The following COMMD6 variants were observed in gnomAD, a reference collection of about 807,000 sequenced individuals.
The protein encoded by COMMD6 is COMM domain-containing protein 6.
Under a neutral mutation model 13.4 loss-of-function variants are expected in COMMD6, and 11 were observed. That is an observed-to-expected ratio of 0.82 (90% CI 0.52 to 1.36). COMMD6 has a LOEUF of 1.36. COMMD6 is among the 40% of genes most tolerant of loss of function. COMMD6 has a pLI of 0.00. For missense variants in COMMD6, 124 were observed against 102.4 expected (o/e 1.21, Z -0.91); for synonymous variants, 43 against 36.5 (o/e 1.18, Z -0.64).
At chr13:75,538,393 C>G (rs919686100), upstream of COMMD6, among the ~76,000 whole-genome samples, 3 of 152,234 alleles carry the variant, frequency 2.0e-5, no homozygotes, top group Non-Finnish European at 4.4e-5. Flanking sequence ...TCAAATCCAT[C>G]CTACAGGAAG....
chr13:75,534,122 G>A (rs952993931), intron 2 of COMMD6, among the ~76,000 whole-genome samples: 3 of 152,050 alleles, frequency 2.0e-5, no homozygotes, highest in Non-Finnish European at 4.4e-5. Context: ...TATGAAATAA[G>A]TAAGCAATTT....
In COMMD6 at chr13:75,530,148, G is replaced by A; in HGVS notation, c.173C>T (p.Thr58Ile). Residue 58 changes from threonine (T) to isoleucine (I), a missense_variant, in exon 3 of 4, where the codon ACC becomes ATC. Physicochemically the swap from Thr to Ile is moderately conservative, Grantham distance 89. Transcript: ENST00000682242. ...KVADHSGQVK[T>I]KCFEMTIPQF... Reference sequence around the variant, plus strand: ...TGGAATCGTCATTTCAAAGCACTTGGTCTTTACTTGGCCTGAATGATCTGC... The same window carrying A: ...TGGAATCGTCATTTCAAAGCACTTGATCTTTACTTGGCCTGAATGATCTGC... 6.2e-7 allele frequency: 1 copy of A among 1,613,478 alleles called. No homozygotes were observed. The highest frequency in any genetic ancestry group is 8.5e-7 in the Non-Finnish European group (1 of 1,179,682).
intron 2 of COMMD6, chr13:75,537,287 A>C (rs1188852893): frequency 1.4e-5 from 22 of 1,529,800 alleles, no homozygotes; most frequent in Admixed American, 2.0e-5. Flanking sequence ...AAAATGCTAT[A>C]CTCCATCTTC....
At chr13:75,537,459 G>C in intron 2 of COMMD6, 12 of 1,551,666 alleles carry the variant, frequency 7.7e-6, no homozygotes, top group Non-Finnish European at 9.6e-6. Context: ...GCTAGTGCAG[G>C]GTGGGGAAGA....
chr13:75,535,503 GA>G (rs2030634472), intron 2 of COMMD6, among the ~76,000 whole-genome samples: 3 of 152,256 alleles, frequency 2.0e-5, no homozygotes, highest in Non-Finnish European at 4.4e-5. Context: ...GCAGCAAGAG[GA>G]GGTGAATTTA....
chr13:75,533,855 G>A (rs866570580), intron 2 of COMMD6, among the ~76,000 whole-genome samples: 5 of 152,192 alleles, frequency 3.3e-5, no homozygotes, highest in African/African-American at 1.2e-4. Context: ...ATCTCTATAG[G>A]AATGTTCAGA....
At chr13:75,539,466 C>G (rs960752356), upstream of COMMD6, among the ~76,000 whole-genome samples, 21 of 152,162 alleles carry the variant, frequency 1.4e-4, no homozygotes, top group African/African-American at 5.1e-4. Context: ...TCTGGAACTC[C>G]TGTCCTCACG....
chr13:75,543,059 T>A (rs1169339550), upstream of COMMD6, among the ~76,000 whole-genome samples: 1 of 152,234 alleles, frequency 6.6e-6, no homozygotes, highest in Non-Finnish European at 1.5e-5. Context: ...AAGGCCATTA[T>A]CCTAAGCACA....
chr13:75,535,780 T>C (rs938030869), intron 2 of COMMD6, among the ~76,000 whole-genome samples: 2 of 152,248 alleles, frequency 1.3e-5, no homozygotes, highest in African/African-American at 4.8e-5. Context: ...AGGTGGTGAC[T>C]TCCAAGCTCC....
upstream of COMMD6, among the ~76,000 whole-genome samples, chr13:75,539,787 AAAC>A (rs1035928518): frequency 3.9e-4 from 60 of 152,142 alleles, no homozygotes; most frequent in African/African-American, 1.4e-3. Context: ...AAAAACCAAA[AAAC>A]AAACAAAAAA....
At chr13:75,545,293 G>A (rs574366681) in intron 1 of COMMD6, among the ~76,000 whole-genome samples, 3 of 152,328 alleles carry the variant, frequency 2.0e-5, no homozygotes, top group African/African-American at 7.2e-5. Context: ...ACAGCCCTAG[G>A]GGCAGTTAGG....
chr13:75,530,491 G>T, intron 2 of COMMD6: 1 of 323,886 alleles, frequency 3.1e-6, no homozygotes. Context: ...AGTTTAAAAT[G>T]GAAAAAACAA....
At chr13:75,537,421 C>T (rs1233092054) in intron 2 of COMMD6, 12 of 1,551,232 alleles carry the variant, frequency 7.7e-6, no homozygotes, top group East Asian at 2.4e-5. Flanking sequence ...TAATCAAAGC[C>T]CAACAATCCT....
At chr13:75,547,540 G>A (rs1047152849) in intron 1 of COMMD6, among the ~76,000 whole-genome samples, 3 of 152,194 alleles carry the variant, frequency 2.0e-5, no homozygotes, top group South Asian at 4.1e-4. Context: ...CTTGGGCTCT[G>A]TCTCAGACTT....
At chr13:75,542,914 C>T (rs2030848961), upstream of COMMD6, among the ~76,000 whole-genome samples, 1 of 152,142 alleles carries the variant, frequency 6.6e-6, no homozygotes, top group Admixed American at 6.5e-5. Flanking sequence ...GGCACATTAG[C>T]AAAGACATGG....
intron 1 of COMMD6, among the ~76,000 whole-genome samples, chr13:75,545,629 G>T (rs1697264696): frequency 6.6e-6 from 1 of 151,764 alleles, no homozygotes; most frequent in South Asian, 2.1e-4. Context: ...CCGCCACCAC[G>T]CCTGGTTAAT....
At chr13:75,548,877 C>A (rs2030966294) in intron 1 of COMMD6, among the ~76,000 whole-genome samples, 1 of 152,200 alleles carries the variant, frequency 6.6e-6, no homozygotes, top group Admixed American at 6.5e-5. Context: ...GCCCAGATGT[C>A]TTGACCGGGT....
rs2138405429 is a variant in COMMD6, at chr13:75,525,827, A to G, written c.*762T>C. The G allele has an allele frequency of 6.6e-6, 1 of 152,348 alleles. No homozygotes were observed. The highest frequency in any genetic ancestry group is 2.4e-5 in the African/African-American group (1 of 41,586). 9.4% of individuals were successfully genotyped at this position (152,348 alleles called of 1,614,324 possible). A position where few individuals can be genotyped will look rare whatever the true frequency, so the allele number is the denominator to read the frequency against. ...TTCTATTCCGGTGGTCTATTTGCTT[A>G]CTTCTAAACAAATGCCATACAATGT... On this transcript the variant is annotated 3_prime_UTR_variant, in exon 4 of 4. Coordinates refer to ENST00000682242, the MANE Select transcript of COMMD6 (RefSeq NM_203495.4).
chr13:75,541,750 G>GCACT (rs2030826831), upstream of COMMD6, among the ~76,000 whole-genome samples: 1 of 152,024 alleles, frequency 6.6e-6, no homozygotes, highest in African/African-American at 2.4e-5. Context: ...AAATAAATGT[G>GCACT]CACTCAACAT....
Sources: allele counts gnomAD v4.1 joint callset (sites outside exome capture counted in the v4.1 genomes callset), GRCh38; gene constraint gnomAD v4.1.1; transcripts MANE v1.5; gene names NCBI Gene and HGNC (gene_info 2026-07-23, HGNC 2026-07-21).